PIKFYVE: variants seen among roughly 807,000 people sequenced by gnomAD.
The protein encoded by PIKFYVE is phosphoinositide kinase, FYVE-type zinc finger containing.
PIKFYVE carries 122 observed loss-of-function variants against 257.9 expected under a neutral mutation model. The ratio of observed to expected loss-of-function variants is 0.47; its 90% confidence interval spans 0.41 to 0.55. PIKFYVE has a LOEUF of 0.55. PIKFYVE is among the 20% of genes least tolerant of loss of function. The pLI is 0.00. For synonymous variants in PIKFYVE, 892 were observed against 868.9 expected (o/e 1.03, Z -0.47); for missense variants, 2,160 against 2,536.6 (o/e 0.85, Z 3.19).
intron 1 of PIKFYVE, among the ~76,000 whole-genome samples, chr2:208,271,036 CAAAA>C (rs199927508): frequency 2.5e-5 from 2 of 80,486 alleles, no homozygotes; most frequent in Non-Finnish European, 5.2e-5. Context: ...ACTCCATCTC[CAAAA>C]AAAAAAAAAA....
chr2:208,313,673 C>A (rs1695172166), intron 13 of PIKFYVE, among the ~76,000 whole-genome samples: 1 of 151,224 alleles, frequency 6.6e-6, no homozygotes, highest in South Asian at 2.1e-4. Flanking sequence ...ATCTCTGCCT[C>A]CTAGGTTCAA....
intron 5 of PIKFYVE, among the ~76,000 whole-genome samples, chr2:208,278,523 A>T (rs938943703): frequency 1.3e-5 from 2 of 151,908 alleles, no homozygotes; most frequent in African/African-American, 2.4e-5. Context: ...TGAGTATGGT[A>T]TCCAGTAGTT....
At chr2:208,309,136 AGTT>A (rs1183879759) in intron 12 of PIKFYVE, among the ~76,000 whole-genome samples, 1 of 152,004 alleles carries the variant, frequency 6.6e-6, no homozygotes, top group Non-Finnish European at 1.5e-5. Context: ...CTATATTTAG[AGTT>A]GTTCACTTTT....
At chr2:208,300,605 A>T (rs1285553060) in intron 8 of PIKFYVE, among the ~76,000 whole-genome samples, 1 of 152,240 alleles carries the variant, frequency 6.6e-6, no homozygotes, top group Non-Finnish European at 1.5e-5. Context: ...CAGTTACCTT[A>T]GGTTAGTGTG....
intron 6 of PIKFYVE, among the ~76,000 whole-genome samples, chr2:208,288,294 C>G (rs1691845771): frequency 6.6e-6 from 1 of 152,026 alleles, no homozygotes; most frequent in African/African-American, 2.4e-5. Flanking sequence ...GTAATGAACC[C>G]AAGGTCATGT....
rs755707454 is a variant in PIKFYVE at position 208,271,666 on chromosome 2, T to C, written c.147T>C (p.Phe49=). The C allele has an allele frequency of 3.1e-6, 5 of 1,613,940 alleles. No homozygotes were observed. Among genetic ancestry groups the C allele is most frequent in the Non-Finnish European group, 4.2e-6 (5 of 1,179,842 alleles). ...CTTTTAAATCAGCTTATAGTTCTTT[T>C]GTAAATCTCTTTCGTTTTAACAAAG... ...EPPFKSAYSS[F]VNLFRFNKER... Residue 49 remains phenylalanine, a synonymous_variant, in exon 2 of 42, where the codon TTT becomes TTC. Transcript: ENST00000264380.
At chr2:208,328,026 C>T (rs1697129456) in intron 20 of PIKFYVE, among the ~76,000 whole-genome samples, 154 bp from the exon 21 acceptor site, 1 of 152,066 alleles carries the variant, frequency 6.6e-6, no homozygotes, top group Non-Finnish European at 1.5e-5. Flanking sequence ...ACCAACTGCC[C>T]TTCCTTATAT....
chr2:208,313,185 ACTT>A (rs1308698487), intron 13 of PIKFYVE, among the ~76,000 whole-genome samples: 1 of 152,200 alleles, frequency 6.6e-6, no homozygotes, highest in East Asian at 1.9e-4. Flanking sequence ...AGCATTTCCC[ACTT>A]CTTTTCTTTC....
At chr2:208,320,956 G>A (rs568074086) in intron 17 of PIKFYVE, among the ~76,000 whole-genome samples, 1 of 152,306 alleles carries the variant, frequency 6.6e-6, no homozygotes, top group African/African-American at 2.4e-5. Context: ...ATCTCTGTGT[G>A]GTTCTTGGTA....
intron 10 of PIKFYVE, among the ~76,000 whole-genome samples, 182 bp from the exon 11 acceptor site, chr2:208,303,989 A>G (rs888974680): frequency 1.3e-5 from 2 of 152,254 alleles, no homozygotes; most frequent in African/African-American, 4.8e-5. Context: ...TCACAATTTT[A>G]AAGAGTGGAA....
At chr2:208,276,043 T>A (rs1690056994) in intron 3 of PIKFYVE, among the ~76,000 whole-genome samples, 1 of 152,212 alleles carries the variant, frequency 6.6e-6, no homozygotes, top group African/African-American at 2.4e-5. Context: ...CCTTTCCTAT[T>A]TGGAGCTGTG....
Position 208,351,383 on chromosome 2 carries a change from T to C in PIKFYVE, c.5643T>C (p.Arg1881=). ...DDRFILKQMP[R]LEVQSFLDFA... is the part of the protein sequence containing the mutation. The stretch of plus-strand genomic sequence containing the variant: ...GATTTATTTTGAAGCAAATGCCTCG[T>C]CTGGAAGTCCAGTCCTTCCTCGACT... The change falls in exon 38 of 42, where the codon CGT becomes CGC. Residue 1881 remains arginine (R), a synonymous_variant. Transcript: ENST00000264380. 1.2e-6 allele frequency: 2 copies of C among 1,613,892 alleles called. No individual in the cohort carries two copies. The highest frequency in any genetic ancestry group is 2.2e-5 in the South Asian group (2 of 91,084).
intron 29 of PIKFYVE, 62 bp from the exon 30 acceptor site, chr2:208,339,356 T>C (rs1366207349): frequency 6.3e-7 from 1 of 1,582,584 alleles, no homozygotes; most frequent in Non-Finnish European, 8.7e-7. Context: ...ATTTAAAAAA[T>C]ATTAGGTAGA....
At chr2:208,300,166 A>C (rs1257367967) in intron 8 of PIKFYVE, among the ~76,000 whole-genome samples, 1 of 152,212 alleles carries the variant, frequency 6.6e-6, no homozygotes, top group Non-Finnish European at 1.5e-5. Context: ...TAAGAATTCA[A>C]AAAAACAGAA....
At chr2:208,309,511 G>A (rs999364265) in intron 12 of PIKFYVE, among the ~76,000 whole-genome samples, 2 of 152,170 alleles carry the variant, frequency 1.3e-5, no homozygotes, top group Non-Finnish European at 2.9e-5. Context: ...CCAATTTACT[G>A]TTTTGTGTTC....
At chr2:208,352,889 T>C in intron 39 of PIKFYVE, 107 bp downstream of exon 39, 1 of 1,377,060 alleles carries the variant, frequency 7.3e-7, no homozygotes, top group Non-Finnish European at 1.0e-6. Flanking sequence ...TAGTAAATAT[T>C]TAACTTTGGT....
chr2:208,313,778 T>C (rs1276695982), intron 13 of PIKFYVE, among the ~76,000 whole-genome samples: 1 of 152,204 alleles, frequency 6.6e-6, no homozygotes, highest in Non-Finnish European at 1.5e-5. Context: ...AGATGGAGTT[T>C]CGCCATGTTG....
chr2:208,316,325 G>A (rs553255049), intron 15 of PIKFYVE, among the ~76,000 whole-genome samples: 260 of 152,134 alleles, frequency 1.7e-3, no homozygotes, highest in Non-Finnish European at 3.0e-3. Flanking sequence ...GAATAGTGCC[G>A]CAATAAACAT....
chr2:208,333,892 C>T (rs1053939738), intron 24 of PIKFYVE, among the ~76,000 whole-genome samples: 1 of 152,144 alleles, frequency 6.6e-6, no homozygotes, highest in Non-Finnish European at 1.5e-5. Flanking sequence ...ATTCTCCTGC[C>T]TCGGCCTTTC....
Sources: gnomAD v4.1 joint callset for allele counts (sites outside exome capture counted in the v4.1 genomes callset) on GRCh38, gnomAD v4.1.1 for gene constraint, MANE v1.5 for transcripts, NCBI Gene and HGNC (gene_info 2026-07-23, HGNC 2026-07-21) for gene names.